COL26A1: variants seen among roughly 807,000 people sequenced by gnomAD.
The protein encoded by COL26A1 is collagen type XXVI alpha 1 chain.
A neutral mutation model predicts 59.3 loss-of-function variants in COL26A1; 41 were observed. The observed-to-expected ratio is 0.69, with a 90% CI of 0.54 to 0.90. The LOEUF is 0.90. COL26A1 is among the 40% of genes least tolerant of loss of function. The probability of loss-of-function intolerance (pLI) is 0.00; values close to 1 mark genes in which losing one functional copy is unlikely to be tolerated. For missense variants in COL26A1, 612 were observed against 602.3 expected, an observed-to-expected ratio of 1.02 and a Z score of -0.17; for synonymous variants, 266 against 256.0, an observed-to-expected ratio of 1.04 and a Z score of -0.37.
chr7:101,557,435 A>G lies in COL26A1; in HGVS notation c.1231A>G (p.Lys411Glu), dbSNP rs200579887. 2.2e-4 allele frequency: 348 copies of G among 1,613,622 alleles called. No homozygotes were observed. Among genetic ancestry groups the G allele is most frequent in the Non-Finnish European group, 2.8e-4 (336 of 1,179,744 alleles). Residue 411 changes from lysine (K) to glutamate (E), a missense_variant, in exon 13 of 13, where the codon AAG becomes GAG. By Grantham distance (56) the Lys-to-Glu change is moderately conservative. Transcript: ENST00000313669. ...DAALRANLKM[K>E]RGGAQPDGVL... ...TGCCCTGAGAGCCAACCTCAAGATGAAGAGGGGTGGCGCCCAACCCGATGG... is the reference window on the plus strand; with the variant it reads ...TGCCCTGAGAGCCAACCTCAAGATGGAGAGGGGTGGCGCCCAACCCGATGG...
chr7:101,379,934 G>A (rs1046472258), intron 1 of COL26A1, among the ~76,000 whole-genome samples: 13 of 152,294 alleles, frequency 8.5e-5, no homozygotes, highest in East Asian at 5.8e-4. Flanking sequence ...GGCAACCAGC[G>A]GCCCTTAGGG....
chr7:101,553,149 G>A (rs748826541), intron 10 of COL26A1, 177 bp from the exon 11 acceptor site: 35 of 555,330 alleles, frequency 6.3e-5, no homozygotes, highest in Non-Finnish European at 4.5e-5. Flanking sequence ...CCCCGGAGCC[G>A]TGGCCTCCCC....
intron 10 of COL26A1, 110 bp downstream of exon 10, chr7:101,551,253 C>A (rs1048877308): frequency 1.8e-6 from 2 of 1,113,326 alleles, no homozygotes; most frequent in Non-Finnish European, 2.6e-6. Flanking sequence ...CCCTGGGTGG[C>A]CCTGCTGGAG....
At chr7:101,511,856 G>A (rs1254547820) in intron 3 of COL26A1, among the ~76,000 whole-genome samples, 2 of 152,140 alleles carry the variant, frequency 1.3e-5, no homozygotes, top group Non-Finnish European at 2.9e-5. Flanking sequence ...AGCTGGGCAT[G>A]GTGGTGCACA....
chr7:101,387,700 A>G (rs928174448), intron 1 of COL26A1, among the ~76,000 whole-genome samples: 20 of 139,422 alleles, frequency 1.4e-4, no homozygotes, highest in Non-Finnish European at 2.9e-4. Flanking sequence ...TTTTATATAT[A>G]TATTGTAATA....
At chr7:101,489,783 T>C (rs1294717114) in intron 3 of COL26A1, among the ~76,000 whole-genome samples, 1 of 2,516 alleles carries the variant, frequency 4.0e-4, no homozygotes, top group East Asian at 4.9e-3. Context: ...TCTTTCTTTC[T>C]TTCTTTCTTT....
chr7:101,489,777 T>G lies in COL26A1; in HGVS notation c.385+41990T>G, dbSNP rs1314402449. Among the ~76,000 whole-genome samples, 2 of 2,472 alleles carry G rather than the reference T, an allele frequency of 8.1e-4. 1 individual carries two copies. Among genetic ancestry groups the G allele is most frequent in the East Asian group, 9.3e-3 (2 of 214 alleles). 1.6% of individuals were successfully genotyped at this position (2,472 alleles called of 152,430 possible). On this transcript the variant is annotated intron_variant, in intron 3 of 12. Transcript: ENST00000313669. ...GTCTCTCTTTCTTTCTTTCTTTCTT[T>G]CTTTCTTTCTTTCTTTCTTTCTTTC...
intron 4 of COL26A1, among the ~76,000 whole-genome samples, chr7:101,534,824 TCA>T (rs1421197691): frequency 2.7e-5 from 4 of 148,714 alleles, no homozygotes; most frequent in African/African-American, 1.0e-4. Flanking sequence ...GGTGACTCTC[TCA>T]GAGCCCCCTT....
intron 3 of COL26A1, among the ~76,000 whole-genome samples, chr7:101,455,391 A>G (rs1253849502): frequency 2.6e-5 from 4 of 152,168 alleles, no homozygotes; most frequent in Non-Finnish European, 5.9e-5. Context: ...TGCAGAAAAC[A>G]TAGAAACACG....
chr7:101,550,833 T>C (rs1795844567), intron 9 of COL26A1, among the ~76,000 whole-genome samples: 1 of 152,004 alleles, frequency 6.6e-6, no homozygotes, highest in Non-Finnish European at 1.5e-5. Flanking sequence ...GACCACCTGC[T>C]CCCCTTCTCT....
intron 5 of COL26A1, among the ~76,000 whole-genome samples, chr7:101,542,124 G>A: frequency 6.6e-6 from 1 of 151,966 alleles, no homozygotes; most frequent in Non-Finnish European, 1.5e-5. Flanking sequence ...GCACCACCAA[G>A]CCCCGCTACT....
At chr7:101,423,929 G>A (rs371634066) in intron 2 of COL26A1, among the ~76,000 whole-genome samples, 10 of 152,020 alleles carry the variant, frequency 6.6e-5, no homozygotes, top group Admixed American at 1.3e-4. Flanking sequence ...TTTGGCCAGT[G>A]ACAGTGGCTC....
chr7:101,537,296 C>T (rs944499211), intron 4 of COL26A1, among the ~76,000 whole-genome samples: 4 of 152,144 alleles, frequency 2.6e-5, no homozygotes, highest in Non-Finnish European at 4.4e-5. Flanking sequence ...TCTCCTGCCC[C>T]GGGCTTTACT....
At chr7:101,543,965 A>G (rs1795671287) in intron 5 of COL26A1, 33 bp from the exon 6 acceptor site, 1 of 1,482,000 alleles carries the variant, frequency 6.7e-7, no homozygotes, top group Non-Finnish European at 9.2e-7. Context: ...GGGGTCCACC[A>G]TGTTCTGATG....
chr7:101,542,697 A>C (rs920452301), intron 5 of COL26A1, among the ~76,000 whole-genome samples: 2 of 152,090 alleles, frequency 1.3e-5, no homozygotes, highest in African/African-American at 4.8e-5. Flanking sequence ...CCGGGGAAGG[A>C]GAGTAGGGTA....
At chr7:101,524,572 A>C (rs1365652132) in intron 3 of COL26A1, among the ~76,000 whole-genome samples, 1 of 152,144 alleles carries the variant, frequency 6.6e-6, no homozygotes, top group Admixed American at 6.5e-5. Flanking sequence ...TATAATATTG[A>C]GTCTTCCAAT....
intron 4 of COL26A1, 88 bp from the exon 5 acceptor site, chr7:101,539,805 G>T: frequency 7.5e-7 from 1 of 1,331,794 alleles, no homozygotes. Flanking sequence ...CAGGTCTCAT[G>T]GGGTGCACAT....
chr7:101,417,609 TATATATCTA>T (rs1157009031), intron 1 of COL26A1, among the ~76,000 whole-genome samples: 2 of 134,332 alleles, frequency 1.5e-5, no homozygotes, highest in Non-Finnish European at 3.3e-5. Flanking sequence ...CAGGTATATC[TATATATCTA>T]GACATAGATA....
At chr7:101,526,096 T>A (rs1046007990) in intron 3 of COL26A1, among the ~76,000 whole-genome samples, 1 of 151,998 alleles carries the variant, frequency 6.6e-6, no homozygotes, top group Non-Finnish European at 1.5e-5. Context: ...TTGCCCAGGC[T>A]GGAGTGCAAT....
Sources: gnomAD v4.1 joint callset for allele counts (sites outside exome capture counted in the v4.1 genomes callset) on GRCh38, gnomAD v4.1.1 for gene constraint, MANE v1.5 for transcripts, NCBI Gene and HGNC (gene_info 2026-07-23, HGNC 2026-07-21) for gene names.